The following COG5 variants were observed in gnomAD, a reference collection of about 807,000 sequenced individuals.
COG5 encodes the protein component of oligomeric golgi complex 5.
A neutral mutation model predicts 110.4 loss-of-function variants in COG5; 86 were observed. The observed-to-expected ratio is 0.78, with a 90% confidence interval of 0.65 to 0.93. The LOEUF is 0.93. Among genes scored for constraint, COG5 ranks in the 40% least tolerant of loss-of-function variants. COG5 has a pLI of 0.00. For missense variants in COG5, 1,077 were observed against 987.0 expected (o/e 1.09, Z -1.22); for synonymous variants, 360 against 334.6 (o/e 1.08, Z -0.83).
intron 6 of COG5, among the ~76,000 whole-genome samples, chr7:107,510,848 G>A (rs539785907): frequency 0.013 from 2,001 of 152,138 alleles, 50 homozygotes; most frequent in African/African-American, 0.045. Context: ...GAAACCAACG[G>A]AAACAAAGAC....
intron 6 of COG5, among the ~76,000 whole-genome samples, chr7:107,421,697 G>C (rs1793304137): frequency 6.6e-6 from 1 of 151,698 alleles, no homozygotes; most frequent in East Asian, 1.9e-4. Context: ...GCGGGGGATG[G>C]GGAGGTTGCA....
At position 107,360,896 on chromosome 7, in the gene COG5, C is replaced by T. The variant is rs962825703; in HGVS notation, c.1026+1137G>A. Among the ~76,000 whole-genome samples the T allele has an allele frequency of 2.8e-4, 43 of 152,280 alleles. No individual in the cohort carries two copies. The Middle Eastern group carries it at 0.01, about 36-fold the overall frequency. On this transcript the variant is annotated intron_variant, in intron 10 of 21. Coordinates refer to ENST00000297135, the MANE Select transcript of COG5 (RefSeq NM_006348.5). Reference sequence around the variant, plus strand: ...GGCCAAGAGGGCGGAACGAGCCCAGCGGGCATGAGCGATATTCAGGCAGAA... The same window carrying T: ...GGCCAAGAGGGCGGAACGAGCCCAGTGGGCATGAGCGATATTCAGGCAGAA...
Position 107,498,471 on chromosome 7 carries a change from A to G in COG5, c.538+28766T>C, listed in dbSNP as rs139334063. On this transcript the variant is annotated intron_variant, in intron 6 of 21. Coordinates refer to ENST00000297135, the MANE Select transcript of COG5 (RefSeq NM_006348.5). The stretch of plus-strand genomic sequence containing the variant: ...TTAAAAATGAGCTAAGGACTTGAAT[A>G]GACATTTCTCCAAAGAATACATACA... Among the ~76,000 whole-genome samples, 30 of 152,332 alleles carry G rather than the reference A, an allele frequency of 2.0e-4. No homozygotes were observed. In the East Asian group the frequency reaches 5.6e-3, roughly 28 times the overall value.
intron 17 of COG5, 126 bp downstream of exon 17, chr7:107,248,270 A>G: frequency 1.4e-6 from 1 of 716,656 alleles, no homozygotes; most frequent in Non-Finnish European, 2.5e-6. Flanking sequence ...AGGGCTGAAA[A>G]CTAATGCCAT....
intron 6 of COG5, among the ~76,000 whole-genome samples, chr7:107,462,161 G>A (rs2129101581): frequency 6.6e-6 from 1 of 152,252 alleles, no homozygotes; most frequent in South Asian, 2.1e-4. Context: ...CTAATGAAAG[G>A]CAGGACACAT....
At chr7:107,466,421 TG>T (rs1248903992) in intron 6 of COG5, among the ~76,000 whole-genome samples, 2 of 152,064 alleles carry the variant, frequency 1.3e-5, no homozygotes, top group East Asian at 1.9e-4. Context: ...AAAATAAAAA[TG>T]AAAAAAACGT....
intron 1 of COG5, among the ~76,000 whole-genome samples, chr7:107,560,160 C>G (rs955522698): frequency 6.6e-6 from 1 of 152,180 alleles, no homozygotes; most frequent in Non-Finnish European, 1.5e-5. Context: ...ACCTTTCACA[C>G]AGATATCTTA....
intron 6 of COG5, among the ~76,000 whole-genome samples, chr7:107,418,567 A>T (rs1279386411): frequency 7.3e-6 from 1 of 137,608 alleles, no homozygotes; most frequent in East Asian, 2.0e-4. Context: ...TGCTTTAAAG[A>T]TACATCCACA....
At chr7:107,392,722 G>A (rs963642439) in intron 7 of COG5, among the ~76,000 whole-genome samples, 8 of 150,214 alleles carry the variant, frequency 5.3e-5, no homozygotes, top group African/African-American at 2.0e-4. Flanking sequence ...CTGTTTTTCA[G>A]TAGCATTAAC....
chr7:107,377,251 T>C (rs1415468126), intron 7 of COG5, among the ~76,000 whole-genome samples: 2 of 152,210 alleles, frequency 1.3e-5, no homozygotes, highest in African/African-American at 2.4e-5. Flanking sequence ...ATTTTGTTAA[T>C]AGATATAGAA....
chr7:107,522,071 G>A (rs796986426), intron 6 of COG5, among the ~76,000 whole-genome samples: 11 of 152,264 alleles, frequency 7.2e-5, no homozygotes, highest in African/African-American at 2.2e-4. Flanking sequence ...GTTGAACAAC[G>A]AGAACACTTG....
chr7:107,474,626 C>A lies in COG5; in HGVS notation c.538+52611G>T, dbSNP rs763508287. 2 of 1,610,494 alleles carry A rather than the reference C, an allele frequency of 1.2e-6. No homozygotes were observed. Among genetic ancestry groups the A allele is most frequent in the Non-Finnish European group, 1.7e-6 (2 of 1,177,846 alleles). ...TTTTTCAGTCTTCAAAGTGGAAATA[C>A]CTGGGAAAACAAGACACTTTTATGT... On this transcript the variant is annotated intron_variant, in intron 6 of 21. Coordinates refer to ENST00000297135, the MANE Select transcript of COG5 (RefSeq NM_006348.5). This position sits in a 1 kb window ranked among gnomAD's most constrained non-coding sequence, Gnocchi z 5.7.
intron 10 of COG5, among the ~76,000 whole-genome samples, chr7:107,348,958 C>G (rs1041278452): frequency 3.3e-5 from 5 of 151,950 alleles, no homozygotes; most frequent in Non-Finnish European, 7.4e-5. Context: ...AACTCCTGGG[C>G]TCAAGTGATC....
chr7:107,278,484 T>C (rs190523812), intron 14 of COG5, among the ~76,000 whole-genome samples: 11 of 152,286 alleles, frequency 7.2e-5, no homozygotes, highest in South Asian at 2.1e-4. Context: ...CGTGTTCTCA[T>C]TGGTCAACTC....
intron 6 of COG5, among the ~76,000 whole-genome samples, chr7:107,415,081 A>G (rs1792618891): frequency 6.6e-6 from 1 of 152,120 alleles, no homozygotes; most frequent in African/African-American, 2.4e-5. Flanking sequence ...CAAAAAAAGG[A>G]AAGTACAACT....
At chr7:107,442,263 T>TC (rs1794748974) in intron 6 of COG5, among the ~76,000 whole-genome samples, 1 of 152,148 alleles carries the variant, frequency 6.6e-6, no homozygotes. Flanking sequence ...CATGCTTGCT[T>TC]CCCCTTTGCC....
chr7:107,263,484 G>A (rs1012276676), intron 14 of COG5, among the ~76,000 whole-genome samples: 4 of 152,118 alleles, frequency 2.6e-5, no homozygotes, highest in African/African-American at 4.8e-5. Flanking sequence ...GGTTAATCAT[G>A]TTACACTATT....
intron 21 of COG5, among the ~76,000 whole-genome samples, chr7:107,207,524 C>T (rs185979837): frequency 2.5e-4 from 38 of 152,338 alleles, no homozygotes; most frequent in African/African-American, 8.7e-4. Context: ...TTGCTCTCCA[C>T]GGCAAATATC....
rs1379862908 is a variant in COG5, at chr7:107,211,009, G to A, written c.2295+90C>T. 3 of 1,438,462 alleles carry A rather than the reference G, an allele frequency of 2.1e-6. No individual in the cohort carries two copies. The African/African-American group carries it at 4.2e-5, about 20-fold the overall frequency. The allele number at this position is 1,438,462 out of a possible 1,614,324, so 89.1% of individuals were successfully genotyped here. On this transcript the variant is annotated intron_variant, in intron 20 of 21. Transcript: ENST00000297135. ...AAGCAACTAAACAAAGCAGCAGAGG[G>A]CCAGGAATCATTCAGTGAGTAGGGG...
Sources: gnomAD v4.1 joint callset for allele counts (sites outside exome capture counted in the v4.1 genomes callset) on GRCh38, gnomAD v4.1.1 for gene constraint, Gnocchi (gnomAD v3.1) non-coding constraint, MANE v1.5 for transcripts, NCBI Gene and HGNC (gene_info 2026-07-23, HGNC 2026-07-21) for gene names.